ZNF780B: variants seen among roughly 807,000 people sequenced by gnomAD.
The protein encoded by ZNF780B is zinc finger protein 780B, also known as zinc finger protein 779.
Under a neutral mutation model 74.1 loss-of-function variants are expected in ZNF780B, and 52 were observed. The observed-to-expected ratio is 0.70, with a 90% confidence interval of 0.56 to 0.88. The LOEUF is 0.88. Among genes scored for constraint, ZNF780B ranks in the 40% least tolerant of loss-of-function variants. ZNF780B has a pLI of 0.00. For missense variants in ZNF780B, 953 were observed against 1,007.6 expected (o/e 0.95, Z 0.73); for synonymous variants, 315 against 324.3 (o/e 0.97, Z 0.31).
rs1263791928 is a variant in ZNF780B, at chr19:40,034,480, G to A, written c.2379C>T (p.His793=). 5 of 1,612,854 alleles carry A rather than the reference G, an allele frequency of 3.1e-6. No homozygotes were observed. In the Admixed American group the frequency reaches 6.7e-5, roughly 22 times the overall value. Residue 793 remains histidine, a synonymous_variant, in exon 5 of 5, where the codon CAC becomes CAT. Transcript: ENST00000434248. Reference sequence around the variant, plus strand: ...GTTTTTGATGCAGAGAAAGTTGTAGGTGAAGTCTAAAAGCCTTCCCACACT... The same window carrying A: ...GTTTTTGATGCAGAGAAAGTTGTAGATGAAGTCTAAAAGCCTTCCCACACT... The part of the protein sequence containing the change: ...CKECGKAFRL[H]LQLSLHQKLV...
intron 1 of ZNF780B, among the ~76,000 whole-genome samples, chr19:40,052,213 C>A (rs536269912): frequency 6.6e-6 from 1 of 152,148 alleles, no homozygotes; most frequent in African/African-American, 2.4e-5. Context: ...GCTGTATAAT[C>A]CTTTGTTGGG....
chr19:40,035,368 A>G lies in ZNF780B; in HGVS notation c.1491T>C (p.Gly497=). ...AGTCTTTACATTCAAATGGTTTCTCACCAGTATGAATGTTCTTATGTCGAG... is the reference window on the plus strand; with the variant it reads ...AGTCTTTACATTCAAATGGTTTCTCGCCAGTATGAATGTTCTTATGTCGAG... ...QLARHKNIHT[G]EKPFECKDCG... Residue 497 remains glycine (G), a synonymous_variant, in exon 5 of 5, where the codon GGT becomes GGC. Transcript: ENST00000434248. The G allele has an allele frequency of 6.2e-7, 1 of 1,614,036 alleles. No homozygotes were observed. Among genetic ancestry groups the G allele is most frequent in the Middle Eastern group, 1.6e-4 (1 of 6,062 alleles).
In ZNF780B at chr19:40,034,414, T is replaced by TC. The variant is rs763705117; in HGVS notation, c.2444dup (p.Gln816ThrfsTer7). ...AGTTGCTACTGATGTCTGAAGGCTG[T>TC]CCCACATTTCTTACATTCAAAGGGT... On this transcript the variant is annotated frameshift_variant, in exon 5 of 5. Coordinates refer to ENST00000434248, the MANE Select transcript of ZNF780B (RefSeq NM_001005851.3). LOFTEE classifies it high-confidence loss of function. 7 of 1,613,826 alleles carry TC rather than the reference T, an allele frequency of 4.3e-6. No homozygotes were observed. The South Asian group carries it at 6.6e-5, about 15-fold the overall frequency.
In ZNF780B at chr19:40,035,257, A is replaced by G. The variant is rs759405722; in HGVS notation, c.1602T>C (p.Cys534=). ...GTAGGTGAAGTCTAAAAGCCTTCCC[A>G]CACTCCTTACATTCATAGGGCTTCT... The part of the protein sequence containing the change: ...TGEKPYECKE[C]GKAFRLHLQL... The change falls in exon 5 of 5, where the codon TGT becomes TGC. Residue 534 remains cysteine (C), a synonymous_variant. Transcript: ENST00000434248. 1 of 1,614,144 alleles carries G rather than the reference A, an allele frequency of 6.2e-7. No homozygotes were observed. The highest frequency in any genetic ancestry group is 2.2e-5 in the East Asian group (1 of 44,878).
chr19:40,028,845 T>C lies in ZNF780B; in HGVS notation c.*5512A>G, dbSNP rs1405388613. The C allele has an allele frequency of 6.6e-6, 1 of 152,198 alleles. No individual in the cohort carries two copies. Among genetic ancestry groups the C allele is most frequent in the Non-Finnish European group, 1.5e-5 (1 of 68,034 alleles). 9.4% of individuals were successfully genotyped at this position (152,198 alleles called of 1,614,324 possible). Reference sequence around the variant, plus strand: ...CACCCAGATTTCTCAAATATTAATATATTAAGCTAGTTTGTTTTAAGAGGT... The same window carrying C: ...CACCCAGATTTCTCAAATATTAATACATTAAGCTAGTTTGTTTTAAGAGGT... On this transcript the variant is annotated 3_prime_UTR_variant, in exon 5 of 5. Transcript: ENST00000434248.
At chr19:40,041,298 C>T (rs1205099979) in intron 4 of ZNF780B, among the ~76,000 whole-genome samples, 2 of 152,128 alleles carry the variant, frequency 1.3e-5, no homozygotes, top group Admixed American at 6.5e-5. Flanking sequence ...TGTTCTTTTA[C>T]ATTTGCTGAG....
rs944799104 is a variant in ZNF780B, at chr19:40,049,094, C to T, written c.10-298G>A. 4.1e-5 allele frequency: 14 copies of T among 344,988 alleles called. No individual in the cohort carries two copies. In the Admixed American group the frequency reaches 4.5e-4, roughly 11 times the overall value. 21.4% of individuals were successfully genotyped at this position (344,988 alleles called of 1,614,324 possible). On this transcript the variant is annotated intron_variant, in intron 2 of 4. Transcript: ENST00000434248. ...AAAAAAGAAAGAAAGAAAGAACTGT[C>T]GTGGTGGCATGTGCCTATAGTCCCA...
intron 1 of ZNF780B, among the ~76,000 whole-genome samples, chr19:40,052,880 T>C (rs1378887876): frequency 6.6e-6 from 1 of 151,686 alleles, no homozygotes; most frequent in Non-Finnish European, 1.5e-5. Flanking sequence ...AACTGGGGAG[T>C]CATACACAGA....
chr19:40,048,642 CAA>C, intron 3 of ZNF780B, 26 bp downstream of exon 3: 1 of 1,614,064 alleles, frequency 6.2e-7, no homozygotes, highest in Non-Finnish European at 8.5e-7. Flanking sequence ...AGAACAGATA[CAA>C]AAATAACTGG....
rs1156562623 is a variant in ZNF780B, at chr19:40,033,633, G to A, written c.*724C>T. 1 of 153,800 alleles carries A rather than the reference G, an allele frequency of 6.5e-6. No individual in the cohort carries two copies. The highest frequency in any genetic ancestry group is 1.5e-5 in the Non-Finnish European group (1 of 68,468). The allele number at this position is 153,800 out of a possible 1,614,324, so 9.5% of individuals were successfully genotyped here. A position where few individuals can be genotyped will look rare whatever the true frequency, so the allele number is the denominator to read the frequency against. On this transcript the variant is annotated 3_prime_UTR_variant, in exon 5 of 5. Coordinates refer to ENST00000434248, the MANE Select transcript of ZNF780B (RefSeq NM_001005851.3). Reference sequence around the variant, plus strand: ...ATCAATATGAATTCTCTGGTGTTGAGTAAATTTTTCATACACAGTGAAGGC... The same window carrying A: ...ATCAATATGAATTCTCTGGTGTTGAATAAATTTTTCATACACAGTGAAGGC...
At chr19:40,055,078 G>C (rs1163193243) in intron 1 of ZNF780B, among the ~76,000 whole-genome samples, 1 of 152,210 alleles carries the variant, frequency 6.6e-6, no homozygotes, top group East Asian at 1.9e-4. Flanking sequence ...CCTGTAAAGA[G>C]TCAGAAACCT....
intron 4 of ZNF780B, 136 bp from the exon 5 acceptor site, chr19:40,036,762 T>A: frequency 1.7e-6 from 1 of 586,914 alleles, no homozygotes; most frequent in Non-Finnish European, 2.9e-6. Flanking sequence ...AGGGTGCCAA[T>A]AATGAATTTA....
In ZNF780B at chr19:40,028,320, C is replaced by G. The variant is rs1463925026; in HGVS notation, c.*6037G>C. On this transcript the variant is annotated 3_prime_UTR_variant, in exon 5 of 5. Transcript: ENST00000434248. ...TTTGCAGAGCCCCCCCATCTACCAT[C>G]CAGAAGTGGAACTACATATAGTCAT... The G allele has an allele frequency of 1.3e-5, 2 of 152,056 alleles. No individual in the cohort carries two copies. The highest frequency in any genetic ancestry group is 2.9e-5 in the Non-Finnish European group (2 of 68,000). The allele number at this position is 152,056 out of a possible 1,614,324, so 9.4% of individuals were successfully genotyped here. A position where few individuals can be genotyped will look rare whatever the true frequency, so the allele number is the denominator to read the frequency against.
At position 40,050,753 on chromosome 19, in the gene ZNF780B, T is replaced by C. The variant is rs932020764; in HGVS notation, c.-45-376A>G. Among the ~76,000 whole-genome samples the C allele has an allele frequency of 3.9e-5, 6 of 152,354 alleles. 1 individual carries two copies. Among genetic ancestry groups the C allele is most frequent in the African/African-American group, 7.2e-5 (3 of 41,598 alleles). ...AGCAATCCTCCTCCCCTAGTCCACCTTTCAGAGCTGAGAAGGGCTTGCATC... is the reference window on the plus strand; with the variant it reads ...AGCAATCCTCCTCCCCTAGTCCACCCTTCAGAGCTGAGAAGGGCTTGCATC... On this transcript the variant is annotated intron_variant, in intron 1 of 4. Transcript: ENST00000434248.
rs1972116899 is a variant in ZNF780B, at chr19:40,034,201, G to C, written c.*156C>G. On this transcript the variant is annotated 3_prime_UTR_variant, in exon 5 of 5. Transcript: ENST00000434248. ...CATTGATATGGTTTCTCACCAGTATGAATTCTCTGATGTACTCTAAGGTTT... is the reference window on the plus strand; with the variant it reads ...CATTGATATGGTTTCTCACCAGTATCAATTCTCTGATGTACTCTAAGGTTT... 1.4e-6 allele frequency: 1 copy of C among 708,594 alleles called. No individual in the cohort carries two copies. The highest frequency in any genetic ancestry group is 2.4e-6 in the Non-Finnish European group (1 of 409,484). 43.9% of individuals were successfully genotyped at this position (708,594 alleles called of 1,614,324 possible).
chr19:40,036,930 C>T (rs7408359), intron 4 of ZNF780B, among the ~76,000 whole-genome samples: 24 of 145,416 alleles, frequency 1.7e-4, no homozygotes, highest in East Asian at 4.0e-4. Context: ...TTTTTTAAGA[C>T]GAAGTTTCAC....
chr19:40,032,425 T>C lies in ZNF780B; in HGVS notation c.*1932A>G. On this transcript the variant is annotated 3_prime_UTR_variant, in exon 5 of 5. Transcript: ENST00000434248. Reference sequence around the variant, plus strand: ...TCTGCAATGGACTCTCCTTAGAAAATGAATAGCTGTAGGCCAGGCATGCTG... The same window carrying C: ...TCTGCAATGGACTCTCCTTAGAAAACGAATAGCTGTAGGCCAGGCATGCTG... 2.7e-6 allele frequency: 1 copy of C among 368,460 alleles called. No individual in the cohort carries two copies. The highest frequency in any genetic ancestry group is 2.1e-5 in the South Asian group (1 of 47,494). 22.8% of individuals were successfully genotyped at this position (368,460 alleles called of 1,614,324 possible).
Position 40,034,541 on chromosome 19 carries a change from C to T in ZNF780B, c.2318G>A (p.Ser773Asn). The change falls in exon 5 of 5, where the codon AGT becomes AAT. Residue 773 changes from serine to asparagine, a missense_variant. Coordinates refer to ENST00000434248, the MANE Select transcript of ZNF780B (RefSeq NM_001005851.3). Reference protein sequence around the residue: ...NRGSNLVQPQSIHTGEKPYEC... With the variant: ...NRGSNLVQPQNIHTGEKPYEC... ...ATAGGGTTTCTCACCAGTATGAATA[C>T]TCTGAGGTTGAACAAGGTTTGAGCC... The T allele has an allele frequency of 6.2e-7, 1 of 1,613,876 alleles. No individual in the cohort carries two copies. The highest frequency in any genetic ancestry group is 8.5e-7 in the Non-Finnish European group (1 of 1,179,932).
chr19:40,034,679 C>T lies in ZNF780B; in HGVS notation c.2180G>A (p.Cys727Tyr). Residue 727 changes from cysteine (C) to tyrosine (Y), a missense_variant, in exon 5 of 5, where the codon TGT (cysteine) becomes TAT (tyrosine). Physicochemically the swap from Cys to Tyr is radical, Grantham distance 194. Coordinates refer to ENST00000434248, the MANE Select transcript of ZNF780B (RefSeq NM_001005851.3). ...RIHTGEKPFE[C>Y]KECGKAFGLL... ...ACCAAAGGCCTTTCCGCATTCTTTACATTCAAAGGGTTTCTCACCAGTATG... is the reference window on the plus strand; with the variant it reads ...ACCAAAGGCCTTTCCGCATTCTTTATATTCAAAGGGTTTCTCACCAGTATG... The T allele has an allele frequency of 6.2e-7, 1 of 1,614,062 alleles. No homozygotes were observed. Among genetic ancestry groups the T allele is most frequent in the African/African-American group, 1.3e-5 (1 of 75,008 alleles).
Sources: gnomAD v4.1 joint callset for allele counts (sites outside exome capture counted in the v4.1 genomes callset) on GRCh38, gnomAD v4.1.1 for gene constraint, MANE v1.5 for transcripts, NCBI Gene and HGNC (gene_info 2026-07-23, HGNC 2026-07-21) for gene names.